PARP4: variants seen among roughly 807,000 people sequenced by gnomAD.
PARP4 encodes the protein protein mono-ADP-ribosyltransferase PARP4.
PARP4 carries 120 observed loss-of-function variants against 187.7 expected under a neutral mutation model. That is an observed-to-expected ratio of 0.64 (90% CI 0.55 to 0.74). The LOEUF is 0.74. PARP4 is among the 30% of genes least tolerant of loss of function. The probability of loss-of-function intolerance (pLI) is 0.00; values close to 1 mark genes in which losing one functional copy is unlikely to be tolerated. For synonymous variants in PARP4, 654 were observed against 740.9 expected (o/e 0.88, Z 1.90); for missense variants, 1,836 against 2,070.5 (o/e 0.89, Z 2.20).
At chr13:24,499,794 C>G (rs9578750) in intron 4 of PARP4, among the ~76,000 whole-genome samples, 2 of 152,286 alleles carry the variant, frequency 1.3e-5, no homozygotes, top group South Asian at 4.1e-4. Flanking sequence ...TTCTCATAAT[C>G]TGTACTTTTC....
rs1873526519 is a variant in PARP4, at chr13:24,485,921, T to G, written c.1352+247A>C. On this transcript the variant is annotated intron_variant, in intron 11 of 33. Transcript: ENST00000381989. ...CTGGTCTTGAACCCCTGGCCTCAAG[T>G]GATCCTTCTGCCTCAGCCTCCCAAA... Among the ~76,000 whole-genome samples the G allele has an allele frequency of 3.3e-5, 5 of 152,200 alleles. No individual in the cohort carries two copies. In the South Asian group the frequency reaches 1.0e-3, roughly 31 times the overall value.
At chr13:24,468,345 T>C (rs1453448963) in intron 17 of PARP4, among the ~76,000 whole-genome samples, 3 of 151,930 alleles carry the variant, frequency 2.0e-5, no homozygotes, top group African/African-American at 4.8e-5. Flanking sequence ...TGCTTTATGA[T>C]TGGACCATCT....
chr13:24,463,246 A>G (rs1279851183), intron 17 of PARP4, among the ~76,000 whole-genome samples: 1 of 151,998 alleles, frequency 6.6e-6, no homozygotes, highest in Non-Finnish European at 1.5e-5. Flanking sequence ...AAAATGCTGA[A>G]AGGAAAACAA....
At chr13:24,484,237 G>T (rs1873435396) in intron 12 of PARP4, among the ~76,000 whole-genome samples, 1 of 152,174 alleles carries the variant, frequency 6.6e-6, no homozygotes, top group African/African-American at 2.4e-5. Flanking sequence ...CATAATCATA[G>T]CTCACTCCAG....
chr13:24,501,272 G>A (rs1027434487), intron 3 of PARP4, among the ~76,000 whole-genome samples: 2 of 152,128 alleles, frequency 1.3e-5, no homozygotes, highest in African/African-American at 4.8e-5. Context: ...TCTTTTGTTT[G>A]GAAAGAATTT....
At chr13:24,453,519 G>A in intron 23 of PARP4, 68 bp downstream of exon 23, 3 of 939,616 alleles carry the variant, frequency 3.2e-6, no homozygotes, top group Non-Finnish European at 5.2e-6. Context: ...AGTGGCCTAA[G>A]CCCTGGAGGT....
At chr13:24,425,543 ATG>A (rs34792097) in intron 33 of PARP4, among the ~76,000 whole-genome samples, 85,348 of 144,524 alleles carry the variant, frequency 0.59, 26,342 homozygotes, top group East Asian at 0.76. Context: ...GCATGTGTGC[ATG>A]TGTGTGTGTG....
intron 32 of PARP4, among the ~76,000 whole-genome samples, chr13:24,427,028 C>T (rs567581897): frequency 2.6e-5 from 4 of 152,046 alleles, no homozygotes; most frequent in Non-Finnish European, 4.4e-5. Context: ...CAGTTAGACC[C>T]GTGTGCCTAT....
intron 6 of PARP4, among the ~76,000 whole-genome samples, chr13:24,497,229 T>C (rs2137538079): frequency 6.6e-6 from 1 of 152,312 alleles, no homozygotes; most frequent in East Asian, 1.9e-4. Flanking sequence ...GCCTCCTTTG[T>C]TGTTCCCAGG....
At chr13:24,503,315 A>C (rs1869412916) in intron 2 of PARP4, among the ~76,000 whole-genome samples, 1 of 152,204 alleles carries the variant, frequency 6.6e-6, no homozygotes, top group South Asian at 2.1e-4. Context: ...CTTTTTGCAA[A>C]TCCTGTGCAC....
intron 1 of PARP4, among the ~76,000 whole-genome samples, chr13:24,505,087 C>G (rs1179385905): frequency 6.7e-6 from 1 of 149,500 alleles, no homozygotes; most frequent in Non-Finnish European, 1.5e-5. Context: ...ACTGTAATCT[C>G]TGCCCACTGC....
At chr13:24,470,048 A>G (rs1339720987) in intron 15 of PARP4, 23 bp from the exon 16 acceptor site, 3 of 1,604,896 alleles carry the variant, frequency 1.9e-6, no homozygotes, top group East Asian at 4.5e-5. Flanking sequence ...AAAAATCCAT[A>G]CAATTGATGA....
intron 9 of PARP4, among the ~76,000 whole-genome samples, chr13:24,491,076 T>C (rs151007855): frequency 6.6e-6 from 1 of 152,128 alleles, no homozygotes; most frequent in African/African-American, 2.4e-5. Flanking sequence ...AGAATTGTAT[T>C]TGAATGGGCA....
At chr13:24,456,701 C>G (rs1240863475) in intron 20 of PARP4, among the ~76,000 whole-genome samples, 2 of 152,180 alleles carry the variant, frequency 1.3e-5, no homozygotes, top group African/African-American at 4.8e-5. Flanking sequence ...GAGTTTGAGG[C>G]CAGCCTGGCC....
chr13:24,436,888 T>A (rs1870665328), intron 30 of PARP4, among the ~76,000 whole-genome samples: 1 of 152,160 alleles, frequency 6.6e-6, no homozygotes, highest in Admixed American at 6.5e-5. Flanking sequence ...TATACCTGAA[T>A]AATTAATATT....
chr13:24,455,182 C>A lies in PARP4; in HGVS notation c.2593G>T (p.Asp865Tyr), dbSNP rs760033789. 5 of 1,593,972 alleles carry A rather than the reference C, an allele frequency of 3.1e-6. No individual in the cohort carries two copies. The highest frequency in any genetic ancestry group is 2.2e-5 in the South Asian group (2 of 89,866). The change falls in exon 22 of 34, where the codon GAT (aspartate) becomes TAT (tyrosine). Residue 865 changes from aspartate (D) to tyrosine (Y), a missense_variant. Asp to Tyr is a radical substitution (Grantham distance 160). Around this residue, in one of 8 missense-constraint regions of PARP4, gnomAD observed 1,147 missense variants for 1,214.2 expected, o/e 0.94. Coordinates refer to ENST00000381989, the MANE Select transcript of PARP4 (RefSeq NM_006437.4). ...CTGGCTAGGTCAGGGAGGTCGACAT[C>A]GAGATCGGGTTGAAAGACAAGCATG... ...ACMLVFQPDL[D>Y]VDLPDLASES...
chr13:24,428,208 C>T (rs888203383), intron 32 of PARP4, among the ~76,000 whole-genome samples: 1 of 152,210 alleles, frequency 6.6e-6, no homozygotes, highest in East Asian at 1.9e-4. Context: ...TAAGGCACAT[C>T]TGTGAAATCC....
intron 22 of PARP4, among the ~76,000 whole-genome samples, chr13:24,454,593 A>T (rs1871720969): frequency 6.6e-6 from 1 of 152,204 alleles, no homozygotes; most frequent in Admixed American, 6.5e-5. Context: ...TTTTGTCCTT[A>T]GACTTGGGAC....
rs777943185 is a variant in PARP4 at position 24,500,329 on chromosome 13, C to A, written c.388G>T (p.Val130Leu). Residue 130 changes from valine (V) to leucine (L), a missense_variant, in exon 4 of 34, where the codon GTG (valine) becomes TTG (leucine). Coordinates refer to ENST00000381989, the MANE Select transcript of PARP4 (RefSeq NM_006437.4). ...GAAGTAAATTACTCAGTGAGTTCCA[C>A]AGTGTCTTCCTCCTCTGTGGCACTG... is the stretch of plus-strand genomic sequence containing the variant. ...PDSATEEEDT[V>L]ELTEFGMQNV... The A allele has an allele frequency of 6.3e-7, 1 of 1,596,650 alleles. No individual in the cohort carries two copies. Among genetic ancestry groups the A allele is most frequent in the Non-Finnish European group, 8.5e-7 (1 of 1,169,768 alleles).
Sources: allele counts gnomAD v4.1 joint callset (sites outside exome capture counted in the v4.1 genomes callset), GRCh38; gene constraint gnomAD v4.1.1; regional missense constraint gnomAD v4.1.1; transcripts MANE v1.5; gene names NCBI Gene and HGNC (gene_info 2026-07-23, HGNC 2026-07-21).